XYLT1: variants seen among roughly 807,000 people sequenced by gnomAD.
XYLT1 encodes the protein xylosyltransferase 1.
In XYLT1, 36 loss-of-function variants were observed where a neutral mutation model predicts 91.3. The observed-to-expected ratio is 0.39, with a 90% CI of 0.30 to 0.52. The LOEUF is 0.52. XYLT1 is among the 20% of genes least tolerant of loss of function. The pLI is 0.68. For synonymous variants in XYLT1, 588 were observed against 532.0 expected, an observed-to-expected ratio of 1.11 and a Z score of -1.45; for missense variants, 1,242 against 1,284.5, an observed-to-expected ratio of 0.97 and a Z score of 0.51.
chr16:17,363,717 T>A (rs990413663), intron 1 of XYLT1, among the ~76,000 whole-genome samples: 2 of 152,144 alleles, frequency 1.3e-5, no homozygotes, highest in Non-Finnish European at 2.9e-5. Flanking sequence ...TTTTTTAGAA[T>A]ATTTTTAGTA....
chr16:17,116,938 C>T (rs1966853409), intron 11 of XYLT1, among the ~76,000 whole-genome samples: 1 of 152,160 alleles, frequency 6.6e-6, no homozygotes. Flanking sequence ...TTCATGTTCT[C>T]TCCTCCATTT....
chr16:17,461,395 G>A (rs1567211616), intron 1 of XYLT1, among the ~76,000 whole-genome samples: 1 of 152,218 alleles, frequency 6.6e-6, no homozygotes, highest in Non-Finnish European at 1.5e-5. Flanking sequence ...ATCAGCACGG[G>A]CTCTAACTCT....
intron 5 of XYLT1, among the ~76,000 whole-genome samples, chr16:17,182,241 T>C (rs1385315688): frequency 6.6e-6 from 1 of 152,142 alleles, no homozygotes; most frequent in African/African-American, 2.4e-5. Flanking sequence ...ACTGGGTGGG[T>C]TAAACAATGG....
chr16:17,126,807 G>A (rs751427988), intron 10 of XYLT1, among the ~76,000 whole-genome samples: 2 of 152,084 alleles, frequency 1.3e-5, no homozygotes, highest in African/African-American at 4.8e-5. Flanking sequence ...CCTGCACCAC[G>A]ACCCAAGTAC....
chr16:17,404,617 G>A (rs1443157075), intron 1 of XYLT1, among the ~76,000 whole-genome samples: 1 of 152,200 alleles, frequency 6.6e-6, no homozygotes, highest in African/African-American at 2.4e-5. Flanking sequence ...ACCCACTCAT[G>A]CATGCAACAA....
chr16:17,159,423 C>G (rs1199419921), intron 5 of XYLT1, among the ~76,000 whole-genome samples: 1 of 152,200 alleles, frequency 6.6e-6, no homozygotes. Context: ...TTACATCACT[C>G]TGTTTATAAT....
At chr16:17,138,912 G>T (rs1030961054) in intron 7 of XYLT1, among the ~76,000 whole-genome samples, 1 of 152,170 alleles carries the variant, frequency 6.6e-6, no homozygotes, top group African/African-American at 2.4e-5. Context: ...CTGACTGACT[G>T]ACTGGTGTGC....
intron 3 of XYLT1, among the ~76,000 whole-genome samples, chr16:17,208,847 C>G (rs1009482855): frequency 1.6e-4 from 25 of 152,174 alleles, no homozygotes; most frequent in Non-Finnish European, 3.7e-4. Flanking sequence ...GCCTCAGCCT[C>G]CTGAGGAGCT....
At chr16:17,281,362 T>G (rs1458082885) in intron 2 of XYLT1, among the ~76,000 whole-genome samples, 1 of 152,188 alleles carries the variant, frequency 6.6e-6, no homozygotes, top group East Asian at 1.9e-4. Context: ...GTTGTGACAC[T>G]GCTTGGCTCC....
chr16:17,463,955 C>G (rs996112654), intron 1 of XYLT1, among the ~76,000 whole-genome samples: 1 of 152,104 alleles, frequency 6.6e-6, no homozygotes, highest in African/African-American at 2.4e-5. Context: ...AAACCGGAGG[C>G]CATCATACTA....
chr16:17,390,316 C>A (rs1289618195), intron 1 of XYLT1, among the ~76,000 whole-genome samples: 1 of 152,166 alleles, frequency 6.6e-6, no homozygotes, highest in African/African-American at 2.4e-5. Context: ...AAGAACGAGG[C>A]AGACACAGGA....
At chr16:17,269,550 T>C (rs567985257) in intron 2 of XYLT1, among the ~76,000 whole-genome samples, 1 of 152,302 alleles carries the variant, frequency 6.6e-6, no homozygotes, top group African/African-American at 2.4e-5. Flanking sequence ...TTAAAGTGAC[T>C]GCTTTAGAAA....
chr16:17,439,315 G>T (rs12444513), intron 1 of XYLT1, among the ~76,000 whole-genome samples: 5 of 152,060 alleles, frequency 3.3e-5, no homozygotes, highest in Non-Finnish European at 5.9e-5. Flanking sequence ...CAAAGTTGAC[G>T]GACAGATGGG....
At chr16:17,332,567 T>TACACATACACACACACAC (rs1233628545) in intron 2 of XYLT1, among the ~76,000 whole-genome samples, 1 of 137,902 alleles carries the variant, frequency 7.3e-6, no homozygotes, top group African/African-American at 2.7e-5. Context: ...ATCACACACA[T>TACACATACACACACACAC]ACACACACAC....
intron 1 of XYLT1, among the ~76,000 whole-genome samples, chr16:17,468,563 G>A (rs1050701754): frequency 6.6e-6 from 1 of 152,160 alleles, no homozygotes; most frequent in African/African-American, 2.4e-5. Flanking sequence ...CTCCCCAACC[G>A]CAGATCTCTC....
At chr16:17,260,873 T>C (rs2033711781) in intron 2 of XYLT1, among the ~76,000 whole-genome samples, 1 of 152,180 alleles carries the variant, frequency 6.6e-6, no homozygotes, top group African/African-American at 2.4e-5. Context: ...GGCCTCCTCC[T>C]CTGGGACTGG....
At chr16:17,135,647 G>A (rs2030689492) in intron 8 of XYLT1, among the ~76,000 whole-genome samples, 1 of 152,032 alleles carries the variant, frequency 6.6e-6, no homozygotes, top group African/African-American at 2.4e-5. Flanking sequence ...AAGGCAACAG[G>A]CCCAGAGATG....
At chr16:17,433,690 G>A (rs1209775526) in intron 1 of XYLT1, among the ~76,000 whole-genome samples, 4 of 152,208 alleles carry the variant, frequency 2.6e-5, no homozygotes, top group African/African-American at 9.6e-5. Flanking sequence ...AGGAGGCTTT[G>A]GGGTCTGAAG....
intron 1 of XYLT1, among the ~76,000 whole-genome samples, chr16:17,378,071 G>A (rs949476547): frequency 1.2e-4 from 19 of 152,266 alleles, no homozygotes; most frequent in African/African-American, 4.1e-4. Context: ...GTACTCAAAT[G>A]TCACGGGGGT....
Sources: allele counts gnomAD v4.1 joint callset (sites outside exome capture counted in the v4.1 genomes callset), GRCh38; gene constraint gnomAD v4.1.1; transcripts MANE v1.5; gene names NCBI Gene and HGNC (gene_info 2026-07-23, HGNC 2026-07-21).